The following C13orf42 variants were observed in gnomAD, a reference collection of about 807,000 sequenced individuals.
The protein encoded by C13orf42 is chromosome 13 open reading frame 42, also known as uncharacterized protein C13orf42.
intron 1 of C13orf42, among the ~76,000 whole-genome samples, chr13:51,137,195 CAT>C (rs1355449298): frequency 1.3e-5 from 2 of 152,168 alleles, no homozygotes; most frequent in Non-Finnish European, 2.9e-5. Flanking sequence ...ATAAACAGTA[CAT>C]ATGTTTATAT....
chr13:51,114,478 A>G (rs1342519969), upstream of C13orf42, among the ~76,000 whole-genome samples: 1 of 152,038 alleles, frequency 6.6e-6, no homozygotes, highest in Non-Finnish European at 1.5e-5. Flanking sequence ...TTAAGATTCC[A>G]CATATAGTGA....
chr13:51,141,095 G>GGTGTGTGTGTGTGTGTGTGTGTGT (rs3043870), intron 1 of C13orf42, among the ~76,000 whole-genome samples: 23 of 128,544 alleles, frequency 1.8e-4, no homozygotes, highest in African/African-American at 4.1e-4. Context: ...ATCGAAGGGA[G>GGTGTGTGTGTGTGTGTGTGTGTGT]GTGTGTGTGT....
At chr13:51,162,303 A>G in intron 1 of C13orf42, 1 of 193,144 alleles carries the variant, frequency 5.2e-6, no homozygotes, top group Non-Finnish European at 1.1e-5. Flanking sequence ...TATCTCTTAC[A>G]GTAGGCCTTA....
At chr13:51,132,468 GT>G (rs1207692540) in intron 1 of C13orf42, among the ~76,000 whole-genome samples, 1 of 151,798 alleles carries the variant, frequency 6.6e-6, no homozygotes, top group Non-Finnish European at 1.5e-5. Context: ...CTTACCGAAT[GT>G]TTTCTTAAAT....
chr13:51,159,517 T>C (rs141519569), intron 1 of C13orf42, among the ~76,000 whole-genome samples: 38 of 152,320 alleles, frequency 2.5e-4, no homozygotes, highest in African/African-American at 8.9e-4. Context: ...ATATATAGAT[T>C]AGAGTTGAAT....
At chr13:51,089,436 A>G (rs2137977320) in intron 1 of C13orf42, among the ~76,000 whole-genome samples, 1 of 152,172 alleles carries the variant, frequency 6.6e-6, no homozygotes, top group African/African-American at 2.4e-5. Context: ...TGATTGGATC[A>G]TGGGGGCGGT....
chr13:51,129,096 G>C (rs772438906), intron 1 of C13orf42, among the ~76,000 whole-genome samples: 1 of 152,096 alleles, frequency 6.6e-6, no homozygotes, highest in African/African-American at 2.4e-5. Flanking sequence ...TTAATTATCC[G>C]CAAGTGTCTT....
At chr13:51,167,782 A>G (rs528098048) in intron 1 of C13orf42, among the ~76,000 whole-genome samples, 1 of 152,062 alleles carries the variant, frequency 6.6e-6, no homozygotes, top group African/African-American at 2.4e-5. Flanking sequence ...CGGCTAATCA[A>G]CTCTAGCGGT....
intron 3 of C13orf42, 85 bp downstream of exon 3, chr13:51,085,234 G>A (rs1953109103): frequency 2.6e-6 from 1 of 383,866 alleles, no homozygotes; most frequent in African/African-American, 2.1e-5. Flanking sequence ...CATGTAAGAT[G>A]GGGCTGGAGG....
upstream of C13orf42, among the ~76,000 whole-genome samples, chr13:51,113,499 G>C (rs894236204): frequency 1.3e-5 from 2 of 152,152 alleles, no homozygotes; most frequent in African/African-American, 4.8e-5. Context: ...ATCTTACTTA[G>C]ATTTTCTCAC....
At chr13:51,146,516 C>G (rs922349775) in intron 1 of C13orf42, among the ~76,000 whole-genome samples, 2 of 152,322 alleles carry the variant, frequency 1.3e-5, no homozygotes, top group Admixed American at 1.3e-4. Flanking sequence ...AACATGTGCC[C>G]AAGGTGGTCT....
intron 1 of C13orf42, among the ~76,000 whole-genome samples, chr13:51,147,836 C>T (rs1239752557): frequency 6.6e-6 from 1 of 152,170 alleles, no homozygotes; most frequent in Non-Finnish European, 1.5e-5. Context: ...TGATCCTCCT[C>T]ACAGACCAAT....
chr13:51,129,285 G>T (rs996152249), intron 1 of C13orf42, among the ~76,000 whole-genome samples: 3 of 152,058 alleles, frequency 2.0e-5, no homozygotes, highest in African/African-American at 7.2e-5. Flanking sequence ...TTTGGGTCAG[G>T]GTCTGCAGGC....
intron 1 of C13orf42, among the ~76,000 whole-genome samples, chr13:51,095,289 T>C (rs533115780): frequency 4.2e-4 from 60 of 143,734 alleles, no homozygotes; most frequent in African/African-American, 1.5e-3. Flanking sequence ...TTATGATATA[T>C]GTAGGTTTTA....
At chr13:51,131,581 C>T (rs1277748700) in intron 1 of C13orf42, among the ~76,000 whole-genome samples, 4 of 152,198 alleles carry the variant, frequency 2.6e-5, no homozygotes, top group Non-Finnish European at 5.9e-5. Context: ...AGTTACTCAA[C>T]TCATAGGTAT....
At chr13:51,134,663 C>T (rs1419642127) in intron 1 of C13orf42, among the ~76,000 whole-genome samples, 12 of 152,228 alleles carry the variant, frequency 7.9e-5, no homozygotes, top group Admixed American at 1.3e-4. Flanking sequence ...CTGGGCCCAG[C>T]TCCAGCTGAG....
At chr13:51,165,946 A>G (rs944126168) in intron 1 of C13orf42, among the ~76,000 whole-genome samples, 3 of 152,348 alleles carry the variant, frequency 2.0e-5, no homozygotes, top group Middle Eastern at 3.4e-3. Context: ...ACAAGTACCA[A>G]GAGCCAGGCT....
intron 1 of C13orf42, among the ~76,000 whole-genome samples, chr13:51,103,386 A>G (rs2137993394): frequency 6.6e-6 from 1 of 152,264 alleles, no homozygotes; most frequent in Non-Finnish European, 1.5e-5. Flanking sequence ...CATTGAAACC[A>G]AGACTGATCA....
upstream of C13orf42, among the ~76,000 whole-genome samples, chr13:51,112,276 G>A (rs953747067): frequency 1.4e-4 from 22 of 152,178 alleles, no homozygotes; most frequent in African/African-American, 4.8e-5. Flanking sequence ...GAGAAAGTAT[G>A]AGCCCCCAGA....
Sources: gnomAD v4.1 joint callset for allele counts (sites outside exome capture counted in the v4.1 genomes callset) on GRCh38, gnomAD v4.1.1 for gene constraint, MANE v1.5 for transcripts, NCBI Gene and HGNC (gene_info 2026-07-23, HGNC 2026-07-21) for gene names.